The following DHX33 variants were observed in gnomAD, a reference collection of about 807,000 sequenced individuals.
The protein encoded by DHX33 is DEAH-box helicase 33.
In DHX33, 42 loss-of-function variants were observed where a neutral mutation model predicts 72.5. The ratio of observed to expected loss-of-function variants is 0.58; its 90% CI spans 0.45 to 0.75. The LOEUF (loss-of-function observed/expected upper bound fraction) is 0.75. DHX33 is among the 30% of genes least tolerant of loss of function. DHX33 has a pLI of 0.00. For synonymous variants in DHX33, 358 were observed against 366.1 expected, an observed-to-expected ratio of 0.98 and a Z score of 0.25; for missense variants, 842 against 917.5, an observed-to-expected ratio of 0.92 and a Z score of 1.06.
chr17:5,444,308 G>A lies in DHX33; in HGVS notation c.2021C>T (p.Thr674Ile). The A allele has an allele frequency of 6.2e-7, 1 of 1,614,158 alleles. No homozygotes were observed. The highest frequency in any genetic ancestry group is 8.5e-7 in the Non-Finnish European group (1 of 1,180,016). Residue 674 changes from threonine (T) to isoleucine (I), a missense_variant, in exon 12 of 12, where the codon ACC becomes ATC. By Grantham distance (89) the Thr-to-Ile change is moderately conservative (BLOSUM62 -1). Coordinates refer to ENST00000225296, the MANE Select transcript of DHX33 (RefSeq NM_020162.4). The surrounding 1 kb of genome is among the most constrained non-coding windows in gnomAD (Gnocchi z 4.9). ...GAGGTCCCGCATGTAGCACTTGTTGGTGTAGAGCAGCTCAGTGTACACGAC... is the reference window on the plus strand; with the variant it reads ...GAGGTCCCGCATGTAGCACTTGTTGATGTAGAGCAGCTCAGTGTACACGAC... ...ACVVYTELLYTNKCYMRDLCV... is the reference protein window; with the variant it reads ...ACVVYTELLYINKCYMRDLCV...
At chr17:5,448,759 G>T in intron 11 of DHX33, 50 bp downstream of exon 11, 1 of 1,436,020 alleles carries the variant, frequency 7.0e-7, no homozygotes, top group South Asian at 1.3e-5. Context: ...TTTCTACCTT[G>T]AACAAAGTGA....
chr17:5,453,624 A>G lies in DHX33; in HGVS notation c.1352T>C (p.Val451Ala). The G allele has an allele frequency of 1.2e-6, 2 of 1,614,124 alleles. No individual in the cohort carries two copies. The highest frequency in any genetic ancestry group is 1.7e-5 in the Admixed American group (1 of 60,016). The change falls in exon 8 of 12, where the codon GTC (valine) becomes GCC (alanine). Residue 451 changes from valine (V) to alanine (A), a missense_variant. Coordinates refer to ENST00000225296, the MANE Select transcript of DHX33 (RefSeq NM_020162.4). ...SVMLQLLAMK[V>A]PNVLTFDFMS... ...GAAGTCAAAGGTGAGCACATTTGGG[A>G]CTTTCATTGCTAGAAGCTGAAGCAT... is the stretch of plus-strand genomic sequence containing the variant.
At chr17:5,466,523 T>A (rs1904881334) in intron 1 of DHX33, among the ~76,000 whole-genome samples, 1 of 152,184 alleles carries the variant, frequency 6.6e-6, no homozygotes, top group African/African-American at 2.4e-5. Flanking sequence ...CACAGCTTTG[T>A]TGAAATAGCT....
Sources: gnomAD v4.1 joint callset for allele counts (sites outside exome capture counted in the v4.1 genomes callset) on GRCh38, gnomAD v4.1.1 for gene constraint, Gnocchi (gnomAD v3.1) non-coding constraint, MANE v1.5 for transcripts, NCBI Gene and HGNC (gene_info 2026-07-23, HGNC 2026-07-21) for gene names.